The following GFRA1 variants were observed in gnomAD, a reference collection of about 807,000 sequenced individuals.
GFRA1 encodes GDNF family receptor alpha 1.
Under a neutral mutation model 51.6 loss-of-function variants are expected in GFRA1, and 16 were observed. That is an observed-to-expected ratio of 0.31 (90% CI 0.21 to 0.47). The LOEUF (loss-of-function observed/expected upper bound fraction) is 0.47, where lower values mean the gene tolerates loss of function less well. GFRA1 is among the 20% of genes least tolerant of loss of function. The probability of loss-of-function intolerance (pLI) is 1.00; values close to 1 mark genes in which losing one functional copy is unlikely to be tolerated. For synonymous variants in GFRA1, 270 were observed against 241.3 expected (o/e 1.12, Z -1.10); for missense variants, 530 against 594.3 (o/e 0.89, Z 1.13).
At chr10:116,224,818 G>GT (rs1469798406) in intron 4 of GFRA1, among the ~76,000 whole-genome samples, 2 of 152,160 alleles carry the variant, frequency 1.3e-5, no homozygotes, top group African/African-American at 2.4e-5. Context: ...CTTTAAATGG[G>GT]TGAATTGTAC....
intron 5 of GFRA1, among the ~76,000 whole-genome samples, chr10:116,169,581 G>A (rs1374961875): frequency 2.0e-5 from 3 of 152,216 alleles, no homozygotes; most frequent in African/African-American, 7.2e-5. Flanking sequence ...AGGAGAAGAG[G>A]CAGCTGGATG....
chr10:116,207,040 T>G (rs1350247573), intron 5 of GFRA1, among the ~76,000 whole-genome samples: 4 of 152,208 alleles, frequency 2.6e-5, no homozygotes, highest in African/African-American at 9.6e-5. Flanking sequence ...TTACTGTACT[T>G]TATTAACTCA....
At chr10:116,084,194 T>C (rs1955985691) in intron 9 of GFRA1, among the ~76,000 whole-genome samples, 1 of 152,286 alleles carries the variant, frequency 6.6e-6, no homozygotes, top group Admixed American at 6.5e-5. Context: ...GTGGAGTGGT[T>C]GGGGGCAGGA....
chr10:116,111,785 C>A (rs914074456), intron 6 of GFRA1, among the ~76,000 whole-genome samples: 9 of 152,202 alleles, frequency 5.9e-5, no homozygotes, highest in Non-Finnish European at 1.2e-4. Flanking sequence ...TCACCCTAGA[C>A]CTCATGAATA....
intron 4 of GFRA1, among the ~76,000 whole-genome samples, chr10:116,215,230 T>C (rs914655439): frequency 1.3e-5 from 2 of 152,208 alleles, no homozygotes; most frequent in South Asian, 2.1e-4. Context: ...AAATGATTCA[T>C]GGACAGACAA....
chr10:116,165,665 T>TCACACACACA (rs56684075), intron 5 of GFRA1, among the ~76,000 whole-genome samples: 19,692 of 149,364 alleles, frequency 0.13, 1,482 homozygotes, highest in Non-Finnish European at 0.18. Flanking sequence ...TCTCTCACTC[T>TCACACACACA]CACACACACA....
intron 6 of GFRA1, 83 bp from the exon 7 acceptor site, chr10:116,096,847 C>G: frequency 2.6e-6 from 2 of 763,882 alleles, no homozygotes; most frequent in Non-Finnish European, 4.6e-6. Flanking sequence ...TTCTTTATTC[C>G]TTTGTTGATA....
intron 5 of GFRA1, among the ~76,000 whole-genome samples, chr10:116,154,669 T>C (rs1019875495): frequency 6.6e-6 from 1 of 152,210 alleles, no homozygotes; most frequent in Non-Finnish European, 1.5e-5. Flanking sequence ...TCTAGCTGTA[T>C]AGTTATGATT....
At chr10:116,261,690 G>A (rs1969314173) in intron 4 of GFRA1, among the ~76,000 whole-genome samples, 1 of 152,064 alleles carries the variant, frequency 6.6e-6, no homozygotes, top group South Asian at 2.1e-4. Context: ...AAGTTTCCTT[G>A]GCATGAATAA....
intron 4 of GFRA1, among the ~76,000 whole-genome samples, chr10:116,236,363 T>C (rs1187024063): frequency 6.6e-6 from 1 of 152,020 alleles, no homozygotes; most frequent in Non-Finnish European, 1.5e-5. Context: ...GGTGGAAAAT[T>C]TCCCCTCTAT....
chr10:116,198,774 G>T (rs557196278), intron 5 of GFRA1, among the ~76,000 whole-genome samples: 113 of 152,260 alleles, frequency 7.4e-4, no homozygotes, highest in African/African-American at 2.5e-3. Flanking sequence ...AGGTTGGCTG[G>T]TCATCCATCT....
Position 116,061,204 on chromosome 10 carries a change from A to G in GFRA1, c.*3194T>C, listed in dbSNP as rs1391702791. ...TGTCCGGTGTTTGAGGAACTCGAAG[A>G]CACAACTTCTAAGACATTCTTACTA... On this transcript the variant is annotated 3_prime_UTR_variant, in exon 11 of 11. Coordinates refer to ENST00000355422, the MANE Select transcript of GFRA1 (RefSeq NM_005264.8). The G allele has an allele frequency of 4.0e-5, 6 of 151,726 alleles. No individual in the cohort carries two copies. The highest frequency in any genetic ancestry group is 8.8e-5 in the Non-Finnish European group (6 of 68,012). 9.4% of individuals were successfully genotyped at this position (151,726 alleles called of 1,614,324 possible).
chr10:116,172,166 A>C (rs1429850142), intron 5 of GFRA1, among the ~76,000 whole-genome samples: 1 of 152,234 alleles, frequency 6.6e-6, no homozygotes, highest in African/African-American at 2.4e-5. Context: ...GAGGACGAGC[A>C]GGAGCCAGGA....
intron 6 of GFRA1, among the ~76,000 whole-genome samples, chr10:116,114,694 A>G (rs1336772792): frequency 6.6e-6 from 1 of 152,142 alleles, no homozygotes; most frequent in Non-Finnish European, 1.5e-5. Context: ...CCACCACACC[A>G]GCTCACAAGT....
chr10:116,152,579 C>A (rs1016937675), intron 5 of GFRA1, among the ~76,000 whole-genome samples: 1 of 152,164 alleles, frequency 6.6e-6, no homozygotes, highest in African/African-American at 2.4e-5. Context: ...AAACCATTCA[C>A]GAGGGATCTG....
intron 8 of GFRA1, among the ~76,000 whole-genome samples, chr10:116,092,026 T>C (rs140528856): frequency 9.9e-5 from 15 of 152,188 alleles, no homozygotes; most frequent in African/African-American, 3.1e-4. Context: ...TCCATCGTCA[T>C]TGCTTTATCT....
chr10:116,247,671 G>T (rs1967975583), intron 4 of GFRA1, among the ~76,000 whole-genome samples: 1 of 152,240 alleles, frequency 6.6e-6, no homozygotes, highest in African/African-American at 2.4e-5. Flanking sequence ...TCACAAGCTT[G>T]GGAACTTCAT....
intron 4 of GFRA1, among the ~76,000 whole-genome samples, chr10:116,225,536 A>C (rs1966226953): frequency 8.1e-4 from 2 of 2,476 alleles, no homozygotes; most frequent in South Asian, 0.014. Flanking sequence ...TCTGTCTCCA[A>C]AAAAAAAAAA....
rs1434888724 is a variant in GFRA1, at chr10:116,180,026, C to T, written c.433+31605G>A. ...TCCCACACTGAGAATTTTGTATCTCCGGCAATCCGCAATTTGTCAAATGAA... is the reference window on the plus strand; with the variant it reads ...TCCCACACTGAGAATTTTGTATCTCTGGCAATCCGCAATTTGTCAAATGAA... On this transcript the variant is annotated intron_variant, in intron 5 of 10. Coordinates refer to ENST00000355422, the MANE Select transcript of GFRA1 (RefSeq NM_005264.8). 3.9e-5 allele frequency among the ~76,000 whole-genome samples: 6 copies of T among 152,126 alleles called. 1 individual carries two copies. The highest frequency in any genetic ancestry group is 2.1e-4 in the South Asian group (1 of 4,832).
Sources: allele counts gnomAD v4.1 joint callset (sites outside exome capture counted in the v4.1 genomes callset), GRCh38; gene constraint gnomAD v4.1.1; transcripts MANE v1.5; gene names NCBI Gene and HGNC (gene_info 2026-07-23, HGNC 2026-07-21).